NSG2: variants seen among roughly 807,000 people sequenced by gnomAD.
NSG2 encodes neuronal vesicle trafficking associated 2.
NSG2 carries 4 observed loss-of-function variants against 16.9 expected under a neutral mutation model. The ratio of observed to expected loss-of-function variants is 0.24; its 90% CI spans 0.12 to 0.54. NSG2 has a LOEUF of 0.54. NSG2 is among the 20% of genes least tolerant of loss of function. NSG2 has a pLI of 0.95. For missense variants in NSG2, 179 were observed against 221.1 expected (o/e 0.81, Z 1.21); for synonymous variants, 98 against 88.7 (o/e 1.11, Z -0.59).
chr5:174,073,728 A>T (rs375060674), intron 3 of NSG2, among the ~76,000 whole-genome samples: 1 of 152,220 alleles, frequency 6.6e-6, no homozygotes, highest in African/African-American at 2.4e-5. Flanking sequence ...AGGAATGTGC[A>T]TAGGGTTTGA....
intron 3 of NSG2, among the ~76,000 whole-genome samples, chr5:174,065,160 C>T (rs1760118921): frequency 6.6e-6 from 1 of 152,056 alleles, no homozygotes; most frequent in African/African-American, 2.4e-5. Context: ...AACCCCACCT[C>T]TACTAAAAAT....
intron 3 of NSG2, among the ~76,000 whole-genome samples, chr5:174,075,963 G>A (rs1242912430): frequency 6.6e-6 from 1 of 152,174 alleles, no homozygotes; most frequent in Non-Finnish European, 1.5e-5. Flanking sequence ...GTTCTTTAAG[G>A]GGTTTCAACC....
intron 3 of NSG2, among the ~76,000 whole-genome samples, chr5:174,093,856 G>A (rs1760756487): frequency 6.6e-6 from 1 of 152,200 alleles, no homozygotes; most frequent in Admixed American, 6.5e-5. Flanking sequence ...CAGTACCTGA[G>A]TGTTAATGAA....
At chr5:174,091,039 CTTTTT>C (rs35022469) in intron 3 of NSG2, among the ~76,000 whole-genome samples, 2 of 124,120 alleles carry the variant, frequency 1.6e-5, no homozygotes, top group African/African-American at 6.0e-5. Context: ...CTTCTTCTTC[CTTTTT>C]TTTTTTTTTT....
Position 174,103,541 on chromosome 5 carries a change from G to A in NSG2, c.214-687G>A, listed in dbSNP as rs140751095. On this transcript the variant is annotated intron_variant, in intron 3 of 4. Coordinates refer to ENST00000303177, the MANE Select transcript of NSG2 (RefSeq NM_015980.5). ...GGTTGCAATGCACCAGTGCTGGGGC[G>A]CGGTGGGGATGTAAAGCAGGAAGCA... 2.8e-4 allele frequency among the ~76,000 whole-genome samples: 43 copies of A among 152,244 alleles called. 1 individual carries two copies. In the East Asian group the frequency reaches 4.4e-3, roughly 16 times the overall value.
At chr5:174,048,427 G>A (rs753494728) in intron 2 of NSG2, among the ~76,000 whole-genome samples, 8 of 152,078 alleles carry the variant, frequency 5.3e-5, no homozygotes, top group Non-Finnish European at 8.8e-5. Flanking sequence ...TGGGAGTCAG[G>A]GATTATTCAT....
chr5:174,080,032 G>A (rs180807548), intron 3 of NSG2, among the ~76,000 whole-genome samples: 182 of 152,196 alleles, frequency 1.2e-3, no homozygotes, highest in Non-Finnish European at 1.9e-3. Flanking sequence ...CAGTTTGTCA[G>A]GTGTTCTAAG....
At chr5:174,090,023 G>T (rs1760697248) in intron 3 of NSG2, among the ~76,000 whole-genome samples, 1 of 152,160 alleles carries the variant, frequency 6.6e-6, no homozygotes, top group African/African-American at 2.4e-5. Flanking sequence ...CCCCAGTAAA[G>T]CATAGCTCGT....
intron 3 of NSG2, among the ~76,000 whole-genome samples, chr5:174,087,618 A>T (rs1760650678): frequency 6.6e-6 from 1 of 151,660 alleles, no homozygotes; most frequent in South Asian, 2.1e-4. Flanking sequence ...CATCTCTACA[A>T]AAAAATAATA....
chr5:174,074,567 G>C (rs1017710952), intron 3 of NSG2, among the ~76,000 whole-genome samples: 5 of 152,090 alleles, frequency 3.3e-5, no homozygotes, highest in African/African-American at 1.2e-4. Context: ...TACGTCATCA[G>C]ATCACTCTCC....
intron 3 of NSG2, among the ~76,000 whole-genome samples, chr5:174,098,580 G>A (rs952686232): frequency 1.3e-5 from 2 of 152,120 alleles, no homozygotes; most frequent in African/African-American, 4.8e-5. Flanking sequence ...GTCCCCTCTC[G>A]CTTCCAGGAC....
chr5:174,063,328 A>C (rs1446326768), intron 2 of NSG2, among the ~76,000 whole-genome samples: 1 of 152,106 alleles, frequency 6.6e-6, no homozygotes, highest in Non-Finnish European at 1.5e-5. Flanking sequence ...GAGTTACATA[A>C]ATGTCTTGTC....
chr5:174,057,295 G>A (rs139376814), intron 2 of NSG2, among the ~76,000 whole-genome samples: 39 of 152,230 alleles, frequency 2.6e-4, no homozygotes, highest in African/African-American at 8.7e-4. Flanking sequence ...TAGAAGAGAG[G>A]CTTTCTTTGC....
At chr5:174,061,375 G>T (rs1760048799) in intron 2 of NSG2, among the ~76,000 whole-genome samples, 1 of 152,076 alleles carries the variant, frequency 6.6e-6, no homozygotes, top group Non-Finnish European at 1.5e-5. Context: ...TCTTTCATTT[G>T]GTCCATCCCA....
At chr5:174,092,183 G>A (rs1029596779) in intron 3 of NSG2, among the ~76,000 whole-genome samples, 1 of 152,248 alleles carries the variant, frequency 6.6e-6, no homozygotes. Flanking sequence ...ATTCTCTTTA[G>A]ATGGTTCTGA....
chr5:174,046,640 T>G, intron 1 of NSG2, 94 bp from the exon 2 acceptor site: 3 of 1,058,176 alleles, frequency 2.8e-6, no homozygotes, highest in Non-Finnish European at 2.8e-6. Flanking sequence ...GCCACTTGAG[T>G]GGAGCTGTTG....
intron 2 of NSG2, among the ~76,000 whole-genome samples, chr5:174,059,998 A>G (rs1316074224): frequency 6.6e-6 from 1 of 152,144 alleles, no homozygotes; most frequent in Non-Finnish European, 1.5e-5. Flanking sequence ...TTCACTAGGG[A>G]CCATCACTGT....
At chr5:174,088,180 A>T (rs1033956573) in intron 3 of NSG2, among the ~76,000 whole-genome samples, 6 of 152,168 alleles carry the variant, frequency 3.9e-5, no homozygotes, top group African/African-American at 1.4e-4. Flanking sequence ...ATCTCATTCC[A>T]CCTTTCGGCG....
At chr5:174,085,226 A>T (rs1760587263) in intron 3 of NSG2, among the ~76,000 whole-genome samples, 1 of 152,234 alleles carries the variant, frequency 6.6e-6, no homozygotes, top group Non-Finnish European at 1.5e-5. Context: ...CATCTTTGGA[A>T]GTCCACCCAA....
Sources: allele counts gnomAD v4.1 joint callset (sites outside exome capture counted in the v4.1 genomes callset), GRCh38; gene constraint gnomAD v4.1.1; transcripts MANE v1.5; gene names NCBI Gene and HGNC (gene_info 2026-07-23, HGNC 2026-07-21).